CTNNA3: variants seen among roughly 807,000 people sequenced by gnomAD.
CTNNA3 encodes catenin alpha 3.
Under a neutral mutation model 95.7 loss-of-function variants are expected in CTNNA3, and 76 were observed. That is an observed-to-expected ratio of 0.79 (90% confidence interval 0.66 to 0.96). The LOEUF is 0.96. CTNNA3 is among the 40% of genes least tolerant of loss of function. CTNNA3 has a pLI of 0.00. For missense variants in CTNNA3, 1,191 were observed against 1,089.8 expected (o/e 1.09, Z -1.31); for synonymous variants, 431 against 374.4 (o/e 1.15, Z -1.74).
intron 7 of CTNNA3, among the ~76,000 whole-genome samples, chr10:67,017,934 T>C (rs547122569): frequency 2.0e-5 from 3 of 152,140 alleles, no homozygotes; most frequent in African/African-American, 7.2e-5. Flanking sequence ...CACGCCCAGC[T>C]AATTTTTGTA....
At chr10:66,396,492 C>A (rs950664708) in intron 11 of CTNNA3, among the ~76,000 whole-genome samples, 7 of 151,938 alleles carry the variant, frequency 4.6e-5, no homozygotes, top group African/African-American at 1.4e-4. Flanking sequence ...ATAAATTGGG[C>A]ATCCACATGA....
At chr10:67,086,672 C>T (rs1857328731) in intron 7 of CTNNA3, among the ~76,000 whole-genome samples, 1 of 151,964 alleles carries the variant, frequency 6.6e-6, no homozygotes, top group Non-Finnish European at 1.5e-5. Flanking sequence ...GAGACACACA[C>T]ACAAACATAA....
chr10:66,402,333 G>C (rs1173131762), intron 11 of CTNNA3, among the ~76,000 whole-genome samples: 1 of 152,082 alleles, frequency 6.6e-6, no homozygotes, highest in Non-Finnish European at 1.5e-5. Context: ...TTTCCCTGCT[G>C]ACTGTGATTT....
chr10:65,961,504 C>T (rs1421501702), intron 17 of CTNNA3, among the ~76,000 whole-genome samples: 2 of 151,992 alleles, frequency 1.3e-5, no homozygotes, highest in Non-Finnish European at 1.5e-5. Context: ...ACTTTATAGT[C>T]TAGAGGGGAA....
chr10:66,778,949 C>A (rs530269784), intron 7 of CTNNA3, among the ~76,000 whole-genome samples: 1 of 152,146 alleles, frequency 6.6e-6, no homozygotes, highest in Admixed American at 6.5e-5. Context: ...GCACTCCAGC[C>A]TGGCAACAGA....
intron 2 of CTNNA3, among the ~76,000 whole-genome samples, chr10:67,623,286 G>A (rs1843910247): frequency 6.6e-6 from 1 of 152,122 alleles, no homozygotes. Context: ...AGCCAAAGGG[G>A]GCAGACATGT....
intron 7 of CTNNA3, among the ~76,000 whole-genome samples, chr10:66,977,778 A>G (rs1834952812): frequency 6.6e-6 from 1 of 152,182 alleles, no homozygotes; most frequent in Admixed American, 6.6e-5. Flanking sequence ...TTGGGTGGAT[A>G]GTTTTTGTCC....
At chr10:66,713,815 T>C (rs1173719577) in intron 9 of CTNNA3, among the ~76,000 whole-genome samples, 1 of 152,156 alleles carries the variant, frequency 6.6e-6, no homozygotes, top group Non-Finnish European at 1.5e-5. Context: ...CTTATAACTT[T>C]CATATATTTA....
intron 12 of CTNNA3, among the ~76,000 whole-genome samples, chr10:66,331,342 G>GTTTTTTT (rs60709020): frequency 2.0e-4 from 16 of 80,332 alleles, no homozygotes; most frequent in Non-Finnish European, 2.6e-4. Context: ...CCCATTGTTT[G>GTTTTTTT]TTTTTTTTTT....
intron 2 of CTNNA3, among the ~76,000 whole-genome samples, chr10:67,619,888 C>T (rs1299492276): frequency 2.0e-5 from 3 of 152,038 alleles, no homozygotes; most frequent in Non-Finnish European, 4.4e-5. Flanking sequence ...TCTTGAAGCT[C>T]AATAATACAT....
At chr10:67,390,022 C>T (rs1373747937) in intron 5 of CTNNA3, among the ~76,000 whole-genome samples, 4 of 151,612 alleles carry the variant, frequency 2.6e-5, no homozygotes, top group African/African-American at 7.3e-5. Flanking sequence ...AGCAAACACA[C>T]TCAAAAGCTA....
chr10:67,330,364 TAC>T (rs1841728419), intron 5 of CTNNA3, among the ~76,000 whole-genome samples: 1 of 152,190 alleles, frequency 6.6e-6, no homozygotes, highest in Non-Finnish European at 1.5e-5. Flanking sequence ...TGGATTTGAA[TAC>T]AGTCTCCAAT....
chr10:66,513,053 G>A (rs1840718420), intron 11 of CTNNA3, among the ~76,000 whole-genome samples: 1 of 152,090 alleles, frequency 6.6e-6, no homozygotes, highest in South Asian at 2.1e-4. Flanking sequence ...TCTCCCAAGA[G>A]TTGGAAACTT....
chr10:66,304,423 G>A (rs1443058502), intron 12 of CTNNA3, among the ~76,000 whole-genome samples: 3 of 152,034 alleles, frequency 2.0e-5, no homozygotes, highest in Non-Finnish European at 2.9e-5. Context: ...TGCAACAGAT[G>A]CACCAGAATT....
intron 7 of CTNNA3, among the ~76,000 whole-genome samples, chr10:67,066,326 G>T (rs1359559616): frequency 6.6e-6 from 1 of 150,782 alleles, no homozygotes; most frequent in Non-Finnish European, 1.5e-5. Context: ...CCAAGTAACT[G>T]GGACTACAGG....
chr10:66,121,216 T>A (rs2082558668), intron 13 of CTNNA3, among the ~76,000 whole-genome samples: 1 of 152,186 alleles, frequency 6.6e-6, no homozygotes, highest in Non-Finnish European at 1.5e-5. Flanking sequence ...TAAAATTATG[T>A]CAAGTTTCTT....
intron 7 of CTNNA3, among the ~76,000 whole-genome samples, chr10:67,143,192 T>C (rs1860669812): frequency 6.6e-6 from 1 of 151,966 alleles, no homozygotes; most frequent in African/African-American, 2.4e-5. Flanking sequence ...ATCCCAGCAC[T>C]TTGAGTCAAA....
chr10:66,624,425 A>G (rs1844860923), intron 9 of CTNNA3, among the ~76,000 whole-genome samples: 3 of 152,284 alleles, frequency 2.0e-5, no homozygotes, highest in Non-Finnish European at 4.4e-5. Flanking sequence ...AAGAAATTTC[A>G]TACTCTCAGA....
At chr10:67,144,293 G>A (rs947898223) in intron 7 of CTNNA3, among the ~76,000 whole-genome samples, 3 of 152,144 alleles carry the variant, frequency 2.0e-5, no homozygotes, top group Non-Finnish European at 4.4e-5. Flanking sequence ...TAATTCAAGG[G>A]CCCCAGAATT....
Sources: gnomAD v4.1 joint callset for allele counts (sites outside exome capture counted in the v4.1 genomes callset) on GRCh38, gnomAD v4.1.1 for gene constraint, MANE v1.5 for transcripts, NCBI Gene and HGNC (gene_info 2026-07-23, HGNC 2026-07-21) for gene names.